The following PDE1A variants were observed in gnomAD, a reference collection of about 807,000 sequenced individuals.
The protein encoded by PDE1A is dual specificity calcium/calmodulin-dependent 3',5'-cyclic nucleotide phosphodiesterase 1A.
In PDE1A, 35 loss-of-function variants were observed where a neutral mutation model predicts 61.7. That is an observed-to-expected ratio of 0.57 (90% CI 0.43 to 0.75). The LOEUF is 0.75. Among genes scored for constraint, PDE1A ranks in the 30% least tolerant of loss-of-function variants. PDE1A has a pLI of 0.00. For synonymous variants in PDE1A, 232 were observed against 213.2 expected, an observed-to-expected ratio of 1.09 and a Z score of -0.77; for missense variants, 597 against 630.6, an observed-to-expected ratio of 0.95 and a Z score of 0.57.
the PDE1A span, among the ~76,000 whole-genome samples, chr2:182,577,666 A>C: frequency 4.6e-5 from 7 of 152,220 alleles, no homozygotes; most frequent in Non-Finnish European, 7.3e-5. Context: ...GCATTCATAA[A>C]ATTGCACTTA....
chr2:182,374,320 GAATT>G (rs1165236103), intron 1 of PDE1A, among the ~76,000 whole-genome samples: 13 of 151,946 alleles, frequency 8.6e-5, no homozygotes, highest in Admixed American at 4.6e-4. Flanking sequence ...CCATAGATAA[GAATT>G]ATTTCAAGAT....
exon 6 of PDE1A, chr2:182,230,019 T>C (rs1484329542): frequency 6.2e-7 from 1 of 1,612,130 alleles, no homozygotes; most frequent in South Asian, 1.1e-5. Context: ...GATACCTGTA[T>C]GAAGCATTAT....
At chr2:182,690,969 C>T in the PDE1A span, among the ~76,000 whole-genome samples, 32 of 152,278 alleles carry the variant, frequency 2.1e-4, no homozygotes, top group South Asian at 5.2e-3. Flanking sequence ...ATCCAACTTA[C>T]AAGGGATGTG....
rs78265347 is a variant in PDE1A, at chr2:182,511,346, G to T, written c.101+10930C>A. Among the ~76,000 whole-genome samples, 55 of 152,120 alleles carry T rather than the reference G, an allele frequency of 3.6e-4. 1 individual carries two copies. In the East Asian group the frequency reaches 0.011, roughly 29 times the overall value. On this transcript the variant is annotated intron_variant, in intron 2 of 14. Coordinates refer to the PDE1A transcript ENST00000410103. ...CTGAGCTGAAGAGAAAGGAGGCTGC[G>T]AATGCTGTATGGGATTGCCAAGCAC... is the stretch of plus-strand genomic sequence containing the variant.
exon 13 of PDE1A, chr2:182,186,042 G>A (rs746212329): frequency 6.2e-7 from 1 of 1,614,022 alleles, no homozygotes; most frequent in Non-Finnish European, 8.5e-7. Flanking sequence ...GATCGTCTTA[G>A]TGCATCAGCA....
chr2:182,416,163 A>T (rs1702905472), intron 1 of PDE1A, among the ~76,000 whole-genome samples: 1 of 152,222 alleles, frequency 6.6e-6, no homozygotes, highest in Non-Finnish European at 1.5e-5. Flanking sequence ...ATTAAAAAAT[A>T]TAAACTAAAT....
At chr2:182,239,062 T>C (rs1690290305) in intron 3 of PDE1A, among the ~76,000 whole-genome samples, 1 of 152,224 alleles carries the variant, frequency 6.6e-6, no homozygotes, top group African/African-American at 2.4e-5. Context: ...TCATCTTCTT[T>C]AAATTGCACA....
intron 2 of PDE1A, among the ~76,000 whole-genome samples, chr2:182,503,865 C>G (rs1326580488): frequency 6.6e-6 from 1 of 152,072 alleles, no homozygotes; most frequent in Non-Finnish European, 1.5e-5. Context: ...ATCCCTGGTT[C>G]CTAGAGTAAT....
intron 2 of PDE1A, among the ~76,000 whole-genome samples, chr2:182,468,425 T>C (rs774156469): frequency 3.3e-5 from 5 of 152,032 alleles, no homozygotes; most frequent in Admixed American, 6.6e-5. Context: ...TCCACATCCA[T>C]TGAAATATTA....
intron 1 of PDE1A, among the ~76,000 whole-genome samples, chr2:182,425,650 A>T (rs1703572565): frequency 6.6e-6 from 1 of 152,186 alleles, no homozygotes; most frequent in Admixed American, 6.5e-5. Context: ...CTCATTCATT[A>T]TGTAGAAACC....
chr2:182,268,273 A>G (rs1463265908), intron 1 of PDE1A, among the ~76,000 whole-genome samples: 2 of 152,058 alleles, frequency 1.3e-5, no homozygotes, highest in Non-Finnish European at 2.9e-5. Context: ...AGTATAGACA[A>G]CTTTGCTAAA....
At chr2:182,570,779 C>T in the PDE1A span, among the ~76,000 whole-genome samples, 1 of 152,002 alleles carries the variant, frequency 6.6e-6, no homozygotes, top group African/African-American at 2.4e-5. Flanking sequence ...CTGAGTTGGG[C>T]CAGATAGTGG....
chr2:182,339,656 T>C (rs912091187), intron 1 of PDE1A, among the ~76,000 whole-genome samples: 7 of 152,162 alleles, frequency 4.6e-5, no homozygotes, highest in Non-Finnish European at 8.8e-5. Flanking sequence ...TCTTGAACAA[T>C]TGGGAGTTAA....
chr2:182,522,558 C>T (rs1487237610), intron 1 of PDE1A: 2 of 1,406,142 alleles, frequency 1.4e-6, no homozygotes, highest in African/African-American at 2.9e-5. Context: ...AGGCATATAT[C>T]CACTGCTCAC....
At chr2:182,577,845 G>A in the PDE1A span, among the ~76,000 whole-genome samples, 1 of 151,790 alleles carries the variant, frequency 6.6e-6, no homozygotes, top group African/African-American at 2.4e-5. Context: ...GCTTGAACCT[G>A]GGAGGCAGAG....
At chr2:182,222,663 T>A (rs950327524) in intron 7 of PDE1A, among the ~76,000 whole-genome samples, 1 of 151,956 alleles carries the variant, frequency 6.6e-6, no homozygotes, top group Non-Finnish European at 1.5e-5. Context: ...ATGGAACTCA[T>A]GCAACTCTGT....
intron 1 of PDE1A, among the ~76,000 whole-genome samples, chr2:182,281,809 T>C (rs914929264): frequency 6.6e-6 from 1 of 151,996 alleles, no homozygotes; most frequent in Non-Finnish European, 1.5e-5. Flanking sequence ...AAATATTTTT[T>C]AATGCTGTGA....
intron 1 of PDE1A, among the ~76,000 whole-genome samples, chr2:182,403,354 C>T (rs1225233789): frequency 6.6e-6 from 1 of 151,990 alleles, no homozygotes; most frequent in Non-Finnish European, 1.5e-5. Context: ...AATCCCAGCA[C>T]TTTAGGAGGC....
intron 1 of PDE1A, among the ~76,000 whole-genome samples, chr2:182,312,786 T>A (rs978092992): frequency 1.3e-5 from 2 of 152,054 alleles, no homozygotes; most frequent in Non-Finnish European, 2.9e-5. Flanking sequence ...TTACAGGTTC[T>A]TGGCATTTTC....
Sources: allele counts gnomAD v4.1 joint callset (sites outside exome capture counted in the v4.1 genomes callset), GRCh38; gene constraint gnomAD v4.1.1; transcripts MANE v1.5; gene names NCBI Gene and HGNC (gene_info 2026-07-23, HGNC 2026-07-21).